ROR2: variants seen among roughly 807,000 people sequenced by gnomAD.
ROR2 encodes ROR family WNT receptor 2, also known as tyrosine-protein kinase transmembrane receptor ROR2.
Under a neutral mutation model 74.9 loss-of-function variants are expected in ROR2, and 33 were observed. The observed-to-expected ratio is 0.44, with a 90% CI of 0.33 to 0.59. The LOEUF (loss-of-function observed/expected upper bound fraction) is 0.59, where lower values mean the gene tolerates loss of function less well. ROR2 is among the 20% of genes least tolerant of loss of function. The probability of loss-of-function intolerance (pLI) is 0.02; values close to 1 mark genes in which losing one functional copy is unlikely to be tolerated. For missense variants in ROR2, 1,216 were observed against 1,313.8 expected (o/e 0.93, Z 1.15); for synonymous variants, 586 against 558.7 (o/e 1.05, Z -0.69).
At chr9:91,862,259 A>G (rs1019290111) in intron 1 of ROR2, among the ~76,000 whole-genome samples, 4 of 151,948 alleles carry the variant, frequency 2.6e-5, no homozygotes, top group African/African-American at 7.3e-5. Flanking sequence ...GAACCCAGGA[A>G]GCGGAGCTTG....
At chr9:91,884,220 C>T (rs1830207107) in intron 1 of ROR2, among the ~76,000 whole-genome samples, 1 of 152,084 alleles carries the variant, frequency 6.6e-6, no homozygotes, top group Admixed American at 6.5e-5. Context: ...CTCATAAAAC[C>T]CACCTCTCCT....
intron 1 of ROR2, among the ~76,000 whole-genome samples, chr9:91,828,019 T>A (rs1192111425): frequency 6.6e-6 from 1 of 152,284 alleles, no homozygotes; most frequent in East Asian, 1.9e-4. Context: ...GCCATTTCTT[T>A]ATTCCTCCAA....
chr9:91,842,260 C>T (rs1373261439), intron 1 of ROR2, among the ~76,000 whole-genome samples: 5 of 152,224 alleles, frequency 3.3e-5, no homozygotes, highest in Non-Finnish European at 7.3e-5. Flanking sequence ...CGAGCATACT[C>T]CTGATCCCCA....
chr9:91,782,762 T>C (rs1041403950), intron 1 of ROR2, among the ~76,000 whole-genome samples: 1 of 152,204 alleles, frequency 6.6e-6, no homozygotes, highest in Non-Finnish European at 1.5e-5. Flanking sequence ...CCAGGCCATG[T>C]AGCCAGAGGC....
At chr9:91,837,539 G>T (rs2119205389) in intron 1 of ROR2, among the ~76,000 whole-genome samples, 1 of 152,326 alleles carries the variant, frequency 6.6e-6, no homozygotes, top group Non-Finnish European at 1.5e-5. Context: ...CAATCCCCCT[G>T]CTCTTTGCAC....
At chr9:91,926,219 TAA>T (rs113100413) in intron 1 of ROR2, among the ~76,000 whole-genome samples, 58 of 143,296 alleles carry the variant, frequency 4.0e-4, no homozygotes, top group Middle Eastern at 3.6e-3. Flanking sequence ...ATCTCTACTT[TAA>T]AAAAAAAAAA....
At chr9:91,900,117 C>A (rs1247124916) in intron 1 of ROR2, among the ~76,000 whole-genome samples, 1 of 152,240 alleles carries the variant, frequency 6.6e-6, no homozygotes, top group African/African-American at 2.4e-5. Flanking sequence ...TGCAAACTGA[C>A]AGACAGCAAG....
intron 1 of ROR2, among the ~76,000 whole-genome samples, chr9:91,884,346 G>A (rs78213816): frequency 0.066 from 10,056 of 151,962 alleles, 517 homozygotes; most frequent in African/African-American, 0.13. Context: ...TGTGTTGGTG[G>A]GTACCCCTGT....
chr9:91,873,748 T>C (rs1489400394), intron 1 of ROR2, among the ~76,000 whole-genome samples: 2 of 152,156 alleles, frequency 1.3e-5, no homozygotes, highest in Non-Finnish European at 2.9e-5. Context: ...TATATATAGC[T>C]GTGTTGACAG....
rs183426076 is a variant in ROR2, at chr9:91,903,565, A to C, written c.97+46302T>G. On this transcript the variant is annotated intron_variant, in intron 1 of 8. Coordinates refer to ENST00000375708, the MANE Select transcript of ROR2 (RefSeq NM_004560.4). ...TTTTCAAGGCAGACACTTCTGGAAC[A>C]AACAACCCCAACCTAAATATTTTCT... Among the ~76,000 whole-genome samples, 297 of 152,250 alleles carry C rather than the reference A, an allele frequency of 2.0e-3. 2 individuals are homozygous for C. In the Middle Eastern group the frequency reaches 0.024, roughly 12 times the overall value.
At chr9:91,855,594 C>A (rs1829254442) in intron 1 of ROR2, among the ~76,000 whole-genome samples, 1 of 151,994 alleles carries the variant, frequency 6.6e-6, no homozygotes, top group Admixed American at 6.5e-5. Context: ...AAGGAAGGGA[C>A]ACCCAGGGGC....
At chr9:91,901,793 G>GCGACAGGGCA (rs1564028279) in intron 1 of ROR2, among the ~76,000 whole-genome samples, 4 of 74,480 alleles carry the variant, frequency 5.4e-5, no homozygotes, top group East Asian at 6.1e-4. Flanking sequence ...TCCAGCCTGG[G>GCGACAGGGCA]ACTCCATCTC....
intron 1 of ROR2, among the ~76,000 whole-genome samples, chr9:91,854,761 C>T (rs564844915): frequency 1.3e-5 from 2 of 152,232 alleles, no homozygotes; most frequent in African/African-American, 4.8e-5. Flanking sequence ...AAACCACTTA[C>T]ACATGCACTT....
intron 4 of ROR2, among the ~76,000 whole-genome samples, chr9:91,748,975 G>A (rs893016567): frequency 2.6e-5 from 4 of 152,112 alleles, no homozygotes; most frequent in Non-Finnish European, 4.4e-5. Flanking sequence ...GCAGTGAGCC[G>A]ATACCGTGCC....
At chr9:91,740,811 G>A (rs932745217) in intron 4 of ROR2, among the ~76,000 whole-genome samples, 22 of 152,072 alleles carry the variant, frequency 1.4e-4, no homozygotes, top group Admixed American at 8.5e-4. Flanking sequence ...GAATTTGGCA[G>A]CTATAAAATT....
rs528393492 is a variant in ROR2, at chr9:91,724,898, T to C, written c.1596A>G (p.Gln532=). 229 of 1,607,112 alleles carry C rather than the reference T, an allele frequency of 1.4e-4. No individual in the cohort carries two copies. The East Asian group carries it at 4.2e-3, about 30-fold the overall frequency. The change falls in exon 9 of 9, where the codon CAA becomes CAG. Residue 532 remains glutamine (Q), a synonymous_variant. Transcript: ENST00000375708. ...RHEAMLRARL[Q]HPNVVCLLGV... ...CCAGCAGGCAGACGACGTTGGGGTGTTGCAGCCGTGCTCGCAGCATAGCCT... is the reference window on the plus strand; with the variant it reads ...CCAGCAGGCAGACGACGTTGGGGTGCTGCAGCCGTGCTCGCAGCATAGCCT...
At chr9:91,740,830 A>G (rs1484689933) in intron 4 of ROR2, among the ~76,000 whole-genome samples, 1 of 152,120 alleles carries the variant, frequency 6.6e-6, no homozygotes, top group Non-Finnish European at 1.5e-5. Flanking sequence ...TTCCTTCAGC[A>G]ACGTAAGTGC....
chr9:91,862,516 G>A (rs1000535948), intron 1 of ROR2, among the ~76,000 whole-genome samples: 1 of 152,080 alleles, frequency 6.6e-6, no homozygotes, highest in African/African-American at 2.4e-5. Context: ...GTAAAAATTA[G>A]CTTGGCATGG....
intron 1 of ROR2, among the ~76,000 whole-genome samples, chr9:91,914,708 CACAG>C (rs1022353594): frequency 9.9e-5 from 15 of 152,186 alleles, no homozygotes; most frequent in African/African-American, 3.6e-4. Flanking sequence ...GACCTGCAGT[CACAG>C]ACAACCAATC....
Sources: allele counts gnomAD v4.1 joint callset (sites outside exome capture counted in the v4.1 genomes callset), GRCh38; gene constraint gnomAD v4.1.1; transcripts MANE v1.5; gene names NCBI Gene and HGNC (gene_info 2026-07-23, HGNC 2026-07-21).